The following HDAC4 variants were observed in gnomAD, a reference collection of about 807,000 sequenced individuals.
HDAC4 encodes histone deacetylase 4, also known as histone deacetylase A.
HDAC4 carries 16 observed loss-of-function variants against 135.1 expected under a neutral mutation model. The ratio of observed to expected loss-of-function variants is 0.12; its 90% CI spans 0.08 to 0.18. The LOEUF (loss-of-function observed/expected upper bound fraction) is 0.18. Ranked by LOEUF, HDAC4 falls within the 10% of genes least tolerant of loss-of-function variation. The probability of loss-of-function intolerance (pLI) is 1.00; values close to 1 mark genes in which losing one functional copy is unlikely to be tolerated. For missense variants in HDAC4, 1,143 were observed against 1,511.8 expected, an observed-to-expected ratio of 0.76 and a Z score of 4.05; for synonymous variants, 685 against 653.4, an observed-to-expected ratio of 1.05 and a Z score of -0.74.
chr2:239,172,080 A>C (rs2043482594), intron 5 of HDAC4, among the ~76,000 whole-genome samples: 1 of 152,098 alleles, frequency 6.6e-6, no homozygotes, highest in East Asian at 1.9e-4. Context: ...TAATAACAAC[A>C]ATGTCTTGTG....
At chr2:239,201,561 T>G (rs891704511) in intron 3 of HDAC4, among the ~76,000 whole-genome samples, 24 of 152,110 alleles carry the variant, frequency 1.6e-4, no homozygotes, top group African/African-American at 5.8e-4. Flanking sequence ...AGTCACTTTT[T>G]CCTAAAAAGC....
chr2:239,376,187 C>T (rs1321227949), intron 1 of HDAC4, among the ~76,000 whole-genome samples: 1 of 151,124 alleles, frequency 6.6e-6, no homozygotes, highest in African/African-American at 2.4e-5. Context: ...TGTGTGCTCA[C>T]AACCCTCCAC....
In HDAC4 at chr2:239,167,661, T is replaced by TA. The variant is rs2043192814; in HGVS notation, c.491-3739dup. ...CTCATCTGTCAACAGGTTTCTCACT[T>TA]AAAGTTCTAGAATGAAAAAACCCAT... On this transcript the variant is annotated intron_variant, in intron 5 of 26. Transcript: ENST00000543185. This position sits in a 1 kb window ranked among gnomAD's most constrained non-coding sequence, Gnocchi z 4.1. Among the ~76,000 whole-genome samples, 1 of 148,132 alleles carries TA rather than the reference T, an allele frequency of 6.8e-6. No homozygotes were observed.
At chr2:239,182,164 A>G (rs2044193132) in intron 4 of HDAC4, among the ~76,000 whole-genome samples, 1 of 152,192 alleles carries the variant, frequency 6.6e-6, no homozygotes, top group Admixed American at 6.5e-5. Flanking sequence ...GAATGCCACC[A>G]GCAGGTTAAC....
chr2:239,083,684 T>C (rs1400789992), intron 20 of HDAC4, among the ~76,000 whole-genome samples: 1 of 152,168 alleles, frequency 6.6e-6, no homozygotes, highest in Non-Finnish European at 1.5e-5. Context: ...TAAAAAGAGA[T>C]GACTCTTTTG....
chr2:239,088,766 C>T (rs184193943), intron 18 of HDAC4, among the ~76,000 whole-genome samples: 37 of 152,260 alleles, frequency 2.4e-4, no homozygotes, highest in Middle Eastern at 3.4e-3. Flanking sequence ...AAACTGTGAG[C>T]TTTCCAGTGA....
intron 2 of HDAC4, among the ~76,000 whole-genome samples, chr2:239,246,505 G>C (rs2048468875): frequency 6.6e-6 from 1 of 152,192 alleles, no homozygotes; most frequent in African/African-American, 2.4e-5. Flanking sequence ...CCAGGTGTGT[G>C]GGCGGGGGCC....
At chr2:239,057,964 C>T (rs1049223990) in intron 24 of HDAC4, among the ~76,000 whole-genome samples, 1 of 152,172 alleles carries the variant, frequency 6.6e-6, no homozygotes, top group African/African-American at 2.4e-5. Context: ...GTGATATAAC[C>T]TGGGATGGGG....
intron 1 of HDAC4, among the ~76,000 whole-genome samples, chr2:239,391,070 T>G (rs902912141): frequency 6.6e-6 from 1 of 152,138 alleles, no homozygotes; most frequent in Non-Finnish European, 1.5e-5. Context: ...GCCAGGGGCC[T>G]CGGCTCGGCC....
At chr2:239,096,949 AGGCAGGAGGCAGGG>A (rs1169351967) in intron 16 of HDAC4, among the ~76,000 whole-genome samples, 2 of 152,092 alleles carry the variant, frequency 1.3e-5, no homozygotes, top group Non-Finnish European at 2.9e-5. Flanking sequence ...GCAGGGCAGG[AGGCAGGAGGCAGGG>A]GGCAGCAGCT....
At chr2:239,119,586 CGGAGCTCAGGGCTGAGAACGCAGAGATG>C (rs1479217686) in intron 12 of HDAC4, among the ~76,000 whole-genome samples, 2 of 149,926 alleles carry the variant, frequency 1.3e-5, no homozygotes. Flanking sequence ...CTAAGGGGAA[CGGAGCTCAGGGCTGAGAACGCAGAGATG>C]GGAGCTCAGA....
At chr2:239,137,314 G>A (rs1266064802) in intron 9 of HDAC4, among the ~76,000 whole-genome samples, 1 of 152,224 alleles carries the variant, frequency 6.6e-6, no homozygotes, top group Non-Finnish European at 1.5e-5. Flanking sequence ...TGAGGTCAGA[G>A]CATCCAGGCA....
chr2:239,318,549 A>G (rs1280534391), intron 2 of HDAC4, among the ~76,000 whole-genome samples: 1 of 151,674 alleles, frequency 6.6e-6, no homozygotes, highest in African/African-American at 2.4e-5. Flanking sequence ...ATGAGAGAAC[A>G]ATGCCTGCTC....
chr2:239,062,412 G>A (rs1257900951), intron 24 of HDAC4, among the ~76,000 whole-genome samples: 1 of 152,262 alleles, frequency 6.6e-6, no homozygotes, highest in Non-Finnish European at 1.5e-5. Context: ...AGGCTGCCGG[G>A]CAGAGGGGCG....
intron 3 of HDAC4, among the ~76,000 whole-genome samples, chr2:239,207,685 A>G (rs2046123195): frequency 6.6e-6 from 1 of 152,248 alleles, no homozygotes; most frequent in Non-Finnish European, 1.5e-5. Context: ...AATAGAAAAC[A>G]GAATTAACCC....
intron 5 of HDAC4, among the ~76,000 whole-genome samples, chr2:239,171,490 A>G (rs1395713772): frequency 6.6e-6 from 1 of 152,242 alleles, no homozygotes; most frequent in African/African-American, 2.4e-5. Flanking sequence ...AAAATAACTT[A>G]AGAAACTTAG....
At chr2:239,114,906 A>T in intron 13 of HDAC4, 147 bp downstream of exon 13, 1 of 945,736 alleles carries the variant, frequency 1.1e-6, no homozygotes, top group Non-Finnish European at 1.6e-6. Flanking sequence ...AACCTCCCTC[A>T]CTGGCCAGGA....
intron 5 of HDAC4, among the ~76,000 whole-genome samples, chr2:239,172,293 A>AAAAAAAT (rs1278028621): frequency 4.3e-5 from 5 of 115,054 alleles, no homozygotes; most frequent in African/African-American, 9.4e-5. Context: ...GGTGAAAAAA[A>AAAAAAAT]ATATATATAT....
At chr2:239,108,892 C>T (rs2038404996) in intron 14 of HDAC4, among the ~76,000 whole-genome samples, 1 of 152,188 alleles carries the variant, frequency 6.6e-6, no homozygotes, top group Non-Finnish European at 1.5e-5. Flanking sequence ...CTGGTGGGGG[C>T]CCCAGAACCA....
Sources: gnomAD v4.1 joint callset for allele counts (sites outside exome capture counted in the v4.1 genomes callset) on GRCh38, gnomAD v4.1.1 for gene constraint, Gnocchi (gnomAD v3.1) non-coding constraint, MANE v1.5 for transcripts, NCBI Gene and HGNC (gene_info 2026-07-23, HGNC 2026-07-21) for gene names.